Variants in PCDHGB1 observed in about 807,000 individuals in gnomAD.
PCDHGB1 encodes the protein protocadherin gamma-B1.
Under a neutral mutation model 56.6 loss-of-function variants are expected in PCDHGB1, and 34 were observed. That is an observed-to-expected ratio of 0.60 (90% CI 0.46 to 0.80). The LOEUF is 0.80. PCDHGB1 is among the 30% of genes least tolerant of loss of function. The pLI, the probability that PCDHGB1 is intolerant of heterozygous loss-of-function variation, is 0.00. For missense variants in PCDHGB1, 1,278 were observed against 1,204.6 expected (o/e 1.06, Z -0.90); for synonymous variants, 561 against 505.9 (o/e 1.11, Z -1.46).
intron 1 of PCDHGB1, chr5:141,392,498 AT>A (rs201401101): frequency 3.1e-4 from 68 of 217,634 alleles, no homozygotes; most frequent in African/African-American, 9.8e-4. Context: ...TAAGCAAATG[AT>A]TTTTTTTTCT....
intron 1 of PCDHGB1, chr5:141,388,917 G>C: frequency 6.2e-7 from 1 of 1,614,026 alleles, no homozygotes. Flanking sequence ...CGCCCCAGAA[G>C]TGATATTCCA....
At chr5:141,408,121 T>C in intron 1 of PCDHGB1, 1 of 1,475,406 alleles carries the variant, frequency 6.8e-7, no homozygotes, top group South Asian at 1.4e-5. Context: ...CCTCCTGTCC[T>C]GGGCCGAATG....
chr5:141,482,144 G>A (rs564178008), intron 1 of PCDHGB1, among the ~76,000 whole-genome samples: 2 of 151,756 alleles, frequency 1.3e-5, no homozygotes, highest in African/African-American at 2.4e-5. Flanking sequence ...GGCATAAAAA[G>A]GTCAAGTCAA....
rs1025148587 is a variant in PCDHGB1 at position 141,431,434 on chromosome 5, C to A, written c.2410-63373C>A. ...GGGGCGACCCGGTGCGCACAGGCAC[C>A]GCGCGCATCCGCGTGATGGTTCTGG... On this transcript the variant is annotated intron_variant, in intron 1 of 3. Transcript: ENST00000523390. This position sits in a 1 kb window ranked among gnomAD's most constrained non-coding sequence, Gnocchi z 4.8. 1.2e-6 allele frequency: 2 copies of A among 1,613,690 alleles called. No homozygotes were observed. Among genetic ancestry groups the A allele is most frequent in the Admixed American group, 1.7e-5 (1 of 60,014 alleles).
intron 1 of PCDHGB1, among the ~76,000 whole-genome samples, chr5:141,406,535 G>A (rs2094820779): frequency 6.6e-6 from 1 of 152,168 alleles, no homozygotes; most frequent in South Asian, 2.1e-4. Context: ...TTCTGACGAA[G>A]ATTCAAACTT....
At chr5:141,383,393 A>G in intron 1 of PCDHGB1, 1 of 1,613,922 alleles carries the variant, frequency 6.2e-7, no homozygotes, top group Non-Finnish European at 8.5e-7. Context: ...GTGGGCACGA[A>G]CTCCCTCCAG....
chr5:141,371,867 C>T (rs1452583584), intron 1 of PCDHGB1: 3 of 1,613,430 alleles, frequency 1.9e-6, no homozygotes, highest in African/African-American at 1.3e-5. Context: ...CCTACTACAT[C>T]GTGGCCAGTG....
chr5:141,350,246 C>T lies in PCDHGB1; in HGVS notation c.-15C>T, dbSNP rs146299808. On this transcript the variant is annotated 5_prime_UTR_variant, in exon 1 of 4. Transcript: ENST00000523390. ...AACATCCCAGAGGAAAGAAGCTCCGCGGAGAGTTCCTGAAATGCAGAGAGC... is the reference window on the plus strand; with the variant it reads ...AACATCCCAGAGGAAAGAAGCTCCGTGGAGAGTTCCTGAAATGCAGAGAGC... 2.7e-6 allele frequency: 4 copies of T among 1,505,942 alleles called. No homozygotes were observed. The South Asian group carries it at 4.2e-5, about 16-fold the overall frequency. The allele number at this position is 1,505,942 out of a possible 1,614,324, so 93.3% of individuals were successfully genotyped here.
chr5:141,418,314 C>T, intron 1 of PCDHGB1: 1 of 1,613,988 alleles, frequency 6.2e-7, no homozygotes. Context: ...GGGATGGGAA[C>T]AATTCTTGAG....
intron 1 of PCDHGB1, chr5:141,364,951 T>G: frequency 6.2e-7 from 1 of 1,613,774 alleles, no homozygotes; most frequent in East Asian, 2.2e-5. Context: ...AAGAGACTGT[T>G]CACGACCTCC....
intron 3 of PCDHGB1, 48 bp downstream of exon 3, chr5:141,505,529 T>C (rs1479433990): frequency 1.9e-6 from 3 of 1,612,066 alleles, no homozygotes; most frequent in Non-Finnish European, 2.5e-6. Context: ...CCTGGGGTTC[T>C]GGGGTGCATC....
chr5:141,392,658 C>T, intron 1 of PCDHGB1: 1 of 778,114 alleles, frequency 1.3e-6, no homozygotes, highest in Non-Finnish European at 1.9e-6. Context: ...CCGCAGATGC[C>T]ACAAACTAAC....
rs185280755 is a variant in PCDHGB1 at position 141,476,824 on chromosome 5, C to T, written c.2410-17983C>T. Reference sequence around the variant, plus strand: ...TGCCTATTCACATCAAGGTGCTGGACGCGAATGACAATGCGCCTGTCTTCA... The same window carrying T: ...TGCCTATTCACATCAAGGTGCTGGATGCGAATGACAATGCGCCTGTCTTCA... On this transcript the variant is annotated intron_variant, in intron 1 of 3. Transcript: ENST00000523390. This position sits in a 1 kb window ranked among gnomAD's most constrained non-coding sequence, Gnocchi z 7.6. 24 of 1,613,588 alleles carry T rather than the reference C, an allele frequency of 1.5e-5. No homozygotes were observed. The East Asian group carries it at 4.5e-4, about 30-fold the overall frequency.
chr5:141,430,399 T>G (rs2097282187), intron 1 of PCDHGB1, among the ~76,000 whole-genome samples: 1 of 150,106 alleles, frequency 6.7e-6, no homozygotes, highest in Admixed American at 6.6e-5. Flanking sequence ...AAAAAAAAGC[T>G]CACTAAAGTT....
At chr5:141,407,135 G>T (rs2094890312) in intron 1 of PCDHGB1, among the ~76,000 whole-genome samples, 1 of 151,812 alleles carries the variant, frequency 6.6e-6, no homozygotes, top group African/African-American at 2.4e-5. Context: ...TTATTTTTAA[G>T]AAAAAAAAGC....
At chr5:141,409,866 G>T in intron 1 of PCDHGB1, 1 of 1,612,376 alleles carries the variant, frequency 6.2e-7, no homozygotes, top group Non-Finnish European at 8.5e-7. Context: ...GTGGGAGACC[G>T]CAATGACAAC....
Position 141,371,530 on chromosome 5 carries a change from A to G in PCDHGB1, c.2409+18861A>G, listed in dbSNP as rs769779786. ...ACACATGATCTAGATTCTGGATTTAATGGAGAAATCCTATGCCAACTAAAA... is the reference window on the plus strand; with the variant it reads ...ACACATGATCTAGATTCTGGATTTAGTGGAGAAATCCTATGCCAACTAAAA... On this transcript the variant is annotated intron_variant, in intron 1 of 3. Transcript: ENST00000523390. The G allele has an allele frequency of 1.9e-6, 3 of 1,613,804 alleles. No individual in the cohort carries two copies. The Middle Eastern group carries it at 4.9e-4, about 266-fold the overall frequency.
chr5:141,504,583 A>C (rs1230825472), intron 2 of PCDHGB1, among the ~76,000 whole-genome samples: 5 of 146,622 alleles, frequency 3.4e-5, no homozygotes, highest in Non-Finnish European at 7.4e-5. Context: ...CCATCTGCCC[A>C]GGATTCACAG....
Position 141,350,752 on chromosome 5 carries a change from G to C in PCDHGB1, c.492G>C (p.Leu164=). 6.2e-7 allele frequency: 1 copy of C among 1,613,936 alleles called. No homozygotes were observed. The highest frequency in any genetic ancestry group is 8.5e-7 in the Non-Finnish European group (1 of 1,179,902). ...ATGCAGATGTGGAAGGCAATTCACT[G>C]AAGTTATACACCATCAACCCCAATC... ...AQDADVEGNS[L]KLYTINPNQY... The change falls in exon 1 of 4, where the codon CTG becomes CTC. Residue 164 remains leucine (L), a synonymous_variant. Transcript: ENST00000523390.
Sources: gnomAD v4.1 joint callset for allele counts (sites outside exome capture counted in the v4.1 genomes callset) on GRCh38, gnomAD v4.1.1 for gene constraint, Gnocchi (gnomAD v3.1) non-coding constraint, MANE v1.5 for transcripts, NCBI Gene and HGNC (gene_info 2026-07-23, HGNC 2026-07-21) for gene names.